The following SPTBN1 variants were observed in gnomAD, a reference collection of about 807,000 sequenced individuals.
SPTBN1 encodes spectrin beta, non-erythrocytic 1, also known as spectrin beta chain, non-erythrocytic 1.
SPTBN1 carries 32 observed loss-of-function variants against 266.4 expected under a neutral mutation model. The ratio of observed to expected loss-of-function variants is 0.12; its 90% confidence interval spans 0.09 to 0.16. The LOEUF (loss-of-function observed/expected upper bound fraction) is 0.16. SPTBN1 is among the 10% of genes least tolerant of loss of function. SPTBN1 has a pLI of 1.00. For missense variants in SPTBN1, 2,296 were observed against 3,067.1 expected, an observed-to-expected ratio of 0.75 and a Z score of 5.94; for synonymous variants, 1,336 against 1,162.2, an observed-to-expected ratio of 1.15 and a Z score of -3.04.
In SPTBN1 at chr2:54,512,344, G is replaced by T. The variant is rs1415565381; in HGVS notation, c.-47-14028G>T. ...TATTTGAAAGGTTATGGATTTCTAA[G>T]TAAGTCTGGGAAACATTTACCAAGC... On this transcript the variant is annotated intron_variant, in intron 1 of 35. Transcript: ENST00000356805. 2.0e-5 allele frequency among the ~76,000 whole-genome samples: 3 copies of T among 152,176 alleles called. No individual in the cohort carries two copies. In the East Asian group the frequency reaches 5.8e-4, roughly 29 times the overall value.
intron 18 of SPTBN1, among the ~76,000 whole-genome samples, chr2:54,639,623 T>C (rs972108137): frequency 1.3e-5 from 2 of 152,242 alleles, no homozygotes; most frequent in African/African-American, 4.8e-5. Context: ...AGTAGACATG[T>C]ATGGGAAAAG....
chr2:54,535,512 T>C (rs974625129), intron 2 of SPTBN1, among the ~76,000 whole-genome samples: 2 of 152,246 alleles, frequency 1.3e-5, no homozygotes, highest in African/African-American at 2.4e-5. Flanking sequence ...GGCCTTTTTG[T>C]GTCTAACTTC....
chr2:54,599,137 A>G lies in SPTBN1; in HGVS notation c.194A>G (p.Asn65Ser), dbSNP rs1680316546. ...AAGAAGACCTTCACCAAGTGGGTCA[A>G]TTCCCACCTTGCCCGTGTGTCCTGC... ...VQKKTFTKWV[N>S]SHLARVSCRI... The change falls in exon 3 of 36, where the codon AAT (asparagine) becomes AGT (serine). Residue 65 changes from asparagine (N) to serine (S), a missense_variant. Asn to Ser is a conservative substitution (Grantham distance 46). Transcript: ENST00000356805. The G allele has an allele frequency of 1.2e-6, 2 of 1,614,066 alleles. No individual in the cohort carries two copies. The highest frequency in any genetic ancestry group is 1.7e-6 in the Non-Finnish European group (2 of 1,180,046).
intron 1 of SPTBN1, among the ~76,000 whole-genome samples, chr2:54,516,588 A>G (rs1381868819): frequency 6.6e-6 from 1 of 152,246 alleles, no homozygotes; most frequent in Non-Finnish European, 1.5e-5. Context: ...ATATGGTAGT[A>G]ATCCCAATAA....
rs1349705741 is a variant in SPTBN1, at chr2:54,667,586, T to A, written c.6834-18T>A. The A allele has an allele frequency of 6.2e-7, 1 of 1,613,168 alleles. No homozygotes were observed. The highest frequency in any genetic ancestry group is 2.2e-5 in the East Asian group (1 of 44,862). ...TCTGTAATTAAGTGGTGACTAACTTTCTTCCTTGAAATTACAGACTAAATG... is the reference window on the plus strand; with the variant it reads ...TCTGTAATTAAGTGGTGACTAACTTACTTCCTTGAAATTACAGACTAAATG... On this transcript the variant is annotated intron_variant, in intron 34 of 35. Coordinates refer to ENST00000356805, the MANE Select transcript of SPTBN1 (RefSeq NM_003128.3).
chr2:54,487,830 G>GTTTTTTTTT (rs1558770807), intron 1 of SPTBN1, among the ~76,000 whole-genome samples: 3 of 5,946 alleles, frequency 5.0e-4, no homozygotes, highest in Admixed American at 2.3e-3. Flanking sequence ...CTCCTCCTGT[G>GTTTTTTTTT]TCTTTTTTTT....
intron 1 of SPTBN1, among the ~76,000 whole-genome samples, chr2:54,472,031 T>TTTTC (rs2103869670): frequency 8.0e-6 from 1 of 125,292 alleles, no homozygotes; most frequent in East Asian, 2.2e-4. Flanking sequence ...TGTTTTTTTT[T>TTTTC]TTTTTTTTTT....
In SPTBN1 at chr2:54,609,270, T is replaced by G. The variant is rs141045454; in HGVS notation, c.301-2891T>G. On this transcript the variant is annotated intron_variant, in intron 3 of 35. Transcript: ENST00000356805. The stretch of plus-strand genomic sequence containing the variant: ...TCGTCTTCCGTTAATTCTTCTGATG[T>G]GGTGTCTGATAGCTCTTGAATTTCT... 7.9e-4 allele frequency among the ~76,000 whole-genome samples: 120 copies of G among 152,360 alleles called. 1 individual carries two copies. Among genetic ancestry groups the G allele is most frequent in the African/African-American group, 2.9e-3 (119 of 41,590 alleles).
chr2:54,568,155 C>T (rs545177204), intron 2 of SPTBN1, among the ~76,000 whole-genome samples: 1 of 151,964 alleles, frequency 6.6e-6, no homozygotes, highest in African/African-American at 2.4e-5. Context: ...CTGAGGCGGG[C>T]GGATCACCAG....
intron 1 of SPTBN1, among the ~76,000 whole-genome samples, chr2:54,506,310 A>G (rs1165095481): frequency 6.6e-6 from 1 of 152,332 alleles, no homozygotes; most frequent in South Asian, 2.1e-4. Flanking sequence ...ACCCTTGAGC[A>G]TGGCTGCTCA....
rs146860085 is a variant in SPTBN1 at position 54,616,138 on chromosome 2, C to T, written c.475-69C>T. 2.4e-3 allele frequency: 3,120 copies of T among 1,321,398 alleles called. 8 individuals carry two copies. The highest frequency in any genetic ancestry group is 2.9e-3 in the Non-Finnish European group (2,723 of 928,512). The allele number at this position is 1,321,398 out of a possible 1,614,324, so 81.9% of individuals were successfully genotyped here. The stretch of plus-strand genomic sequence containing the variant: ...AGTTTATTCTTTATGTATATGCAGA[C>T]CTGTTCTTCAGTGGTTCTTTTAGGC... On this transcript the variant is annotated intron_variant, in intron 4 of 35. Transcript: ENST00000356805.
intron 2 of SPTBN1, among the ~76,000 whole-genome samples, chr2:54,587,584 G>A (rs2104606191): frequency 6.6e-6 from 1 of 152,294 alleles, no homozygotes; most frequent in East Asian, 1.9e-4. Context: ...CCCCTTCCAT[G>A]GAGGACTGGA....
At chr2:54,596,761 C>A (rs1030048550) in intron 2 of SPTBN1, among the ~76,000 whole-genome samples, 1 of 152,132 alleles carries the variant, frequency 6.6e-6, no homozygotes, top group African/African-American at 2.4e-5. Flanking sequence ...CTGGGGAGCC[C>A]TCCCGGCACA....
intron 33 of SPTBN1, among the ~76,000 whole-genome samples, chr2:54,665,158 C>T (rs988388127): frequency 9.9e-5 from 15 of 152,152 alleles, no homozygotes; most frequent in Non-Finnish European, 1.6e-4. Flanking sequence ...AGCTTTCTTT[C>T]TGTGGAAACC....
Position 54,586,235 on chromosome 2 carries a change from G to A in SPTBN1, c.149-12857G>A, listed in dbSNP as rs543610849. 5.3e-5 allele frequency among the ~76,000 whole-genome samples: 8 copies of A among 152,222 alleles called. No individual in the cohort carries two copies. The South Asian group carries it at 6.2e-4, about 12-fold the overall frequency. ...ACTGTGATTGTGGAGTTTGGCACTC[G>A]AATTGAGACAGTCGTATTTAATTTA... On this transcript the variant is annotated intron_variant, in intron 2 of 35. Coordinates refer to ENST00000356805, the MANE Select transcript of SPTBN1 (RefSeq NM_003128.3).
intron 31 of SPTBN1, 106 bp downstream of exon 31, chr2:54,659,372 T>C: frequency 9.4e-7 from 1 of 1,062,904 alleles, no homozygotes; most frequent in Non-Finnish European, 1.4e-6. Flanking sequence ...CCACATGCCC[T>C]GCCTACTGAT....
chr2:54,548,596 C>T (rs1672385270), intron 2 of SPTBN1, among the ~76,000 whole-genome samples: 1 of 152,220 alleles, frequency 6.6e-6, no homozygotes, highest in African/African-American at 2.4e-5. Context: ...TTGTGCTTAG[C>T]TTCCTCTTCC....
chr2:54,609,341 A>G (rs572099352), intron 3 of SPTBN1, among the ~76,000 whole-genome samples: 1 of 152,306 alleles, frequency 6.6e-6, no homozygotes, highest in East Asian at 1.9e-4. Flanking sequence ...CCTTTTTGCC[A>G]TATCCACAAC....
intron 3 of SPTBN1, 72 bp from the exon 4 acceptor site, chr2:54,612,089 C>G (rs1230407540): frequency 7.0e-6 from 10 of 1,426,330 alleles, no homozygotes; most frequent in Non-Finnish European, 6.7e-6. Flanking sequence ...GCACATGTGA[C>G]TAGGCAGTAA....
Sources: gnomAD v4.1 joint callset for allele counts (sites outside exome capture counted in the v4.1 genomes callset) on GRCh38, gnomAD v4.1.1 for gene constraint, MANE v1.5 for transcripts, NCBI Gene and HGNC (gene_info 2026-07-23, HGNC 2026-07-21) for gene names.